Variants in SNTB1 observed in about 807,000 individuals in gnomAD.
The protein encoded by SNTB1 is beta-1-syntrophin.
SNTB1 carries 36 observed loss-of-function variants against 48.9 expected under a neutral mutation model. That is an observed-to-expected ratio of 0.74 (90% CI 0.56 to 0.97). The LOEUF (loss-of-function observed/expected upper bound fraction) is 0.97. SNTB1 is among the 50% of genes least tolerant of loss of function. The pLI, the probability that SNTB1 is intolerant of heterozygous loss-of-function variation, is 0.00. For synonymous variants in SNTB1, 299 were observed against 294.6 expected, an observed-to-expected ratio of 1.01 and a Z score of -0.15; for missense variants, 786 against 703.4, an observed-to-expected ratio of 1.12 and a Z score of -1.33.
rs142479259 is a variant in SNTB1, at chr8:120,577,196, T to G, written c.997-1971A>C. On this transcript the variant is annotated intron_variant, in intron 3 of 6. Coordinates refer to ENST00000517992, the MANE Select transcript of SNTB1 (RefSeq NM_021021.4). ...CATTGCTTGATGATCACCTTTATAT[T>G]TTAATGCCTCCCTTCCAGCAATTCC... 1.2e-4 allele frequency among the ~76,000 whole-genome samples: 18 copies of G among 152,346 alleles called. No homozygotes were observed. The East Asian group carries it at 3.1e-3, about 26-fold the overall frequency.
intron 2 of SNTB1, among the ~76,000 whole-genome samples, chr8:120,675,499 T>C (rs1817820118): frequency 6.6e-6 from 1 of 152,200 alleles, no homozygotes; most frequent in Admixed American, 6.5e-5. Context: ...CATGCTCCAT[T>C]AGATCACTGG....
chr8:120,799,947 T>C (rs1820194674), intron 1 of SNTB1, among the ~76,000 whole-genome samples: 2 of 152,116 alleles, frequency 1.3e-5, no homozygotes, highest in African/African-American at 2.4e-5. Context: ...TCCTGTTCCA[T>C]ACTAATTTTC....
intron 2 of SNTB1, among the ~76,000 whole-genome samples, chr8:120,686,325 T>C (rs1293320121): frequency 6.6e-6 from 1 of 152,200 alleles, no homozygotes; most frequent in Admixed American, 6.5e-5. Context: ...ACAAACAATA[T>C]AAATTTTTTT....
At chr8:120,785,295 G>C (rs1018316872) in intron 1 of SNTB1, among the ~76,000 whole-genome samples, 1 of 152,190 alleles carries the variant, frequency 6.6e-6, no homozygotes, top group Non-Finnish European at 1.5e-5. Context: ...GTATGGCCTG[G>C]AAACCATGAT....
At chr8:120,706,559 TG>T (rs1818378792) in intron 1 of SNTB1, among the ~76,000 whole-genome samples, 1 of 152,176 alleles carries the variant, frequency 6.6e-6, no homozygotes, top group Non-Finnish European at 1.5e-5. Flanking sequence ...TTCTCTTCCC[TG>T]GGAAAATAAA....
chr8:120,644,395 G>C (rs1817247410), intron 2 of SNTB1, among the ~76,000 whole-genome samples: 1 of 142,360 alleles, frequency 7.0e-6, no homozygotes, highest in African/African-American at 2.6e-5. Flanking sequence ...TCCCACCTAT[G>C]AGTGAGAATA....
At chr8:120,594,026 A>T (rs1366343302) in intron 3 of SNTB1, among the ~76,000 whole-genome samples, 1 of 152,034 alleles carries the variant, frequency 6.6e-6, no homozygotes, top group Non-Finnish European at 1.5e-5. Context: ...TATGTAACAT[A>T]TCTCTTCTAA....
chr8:120,592,159 G>A (rs563352483), intron 3 of SNTB1, among the ~76,000 whole-genome samples: 22 of 152,070 alleles, frequency 1.4e-4, no homozygotes, highest in African/African-American at 5.3e-4. Context: ...TAAATTAGCA[G>A]TCCAATTTCA....
At chr8:120,734,897 A>T (rs180788118) in intron 1 of SNTB1, among the ~76,000 whole-genome samples, 43 of 152,370 alleles carry the variant, frequency 2.8e-4, no homozygotes, top group African/African-American at 9.4e-4. Context: ...ACTGGCTATA[A>T]GTGGATGAGA....
At chr8:120,637,837 CT>C (rs1312369572) in intron 2 of SNTB1, 5 of 280,730 alleles carry the variant, frequency 1.8e-5, no homozygotes, top group African/African-American at 9.2e-5. Flanking sequence ...CAAAAGGTTT[CT>C]TTTGACATCT....
At chr8:120,597,895 T>C (rs548101099) in intron 3 of SNTB1, among the ~76,000 whole-genome samples, 1 of 152,256 alleles carries the variant, frequency 6.6e-6, no homozygotes. Flanking sequence ...GCAGTTTTGG[T>C]GACTTACATA....
At chr8:120,636,231 CTTCT>C (rs994430937) in intron 2 of SNTB1, among the ~76,000 whole-genome samples, 4 of 151,816 alleles carry the variant, frequency 2.6e-5, no homozygotes, top group Non-Finnish European at 4.4e-5. Context: ...CTTTCTTCTT[CTTCT>C]TTTTTTTTAT....
At position 120,555,540 on chromosome 8, in the gene SNTB1, T is replaced by G. The variant is rs185263822; in HGVS notation, c.1137-6582A>C. Among the ~76,000 whole-genome samples the G allele has an allele frequency of 1.7e-3, 260 of 152,326 alleles. 1 individual carries two copies. Among genetic ancestry groups the G allele is most frequent in the East Asian group, 6.9e-3 (36 of 5,180 alleles). On this transcript the variant is annotated intron_variant, in intron 4 of 6. Coordinates refer to ENST00000517992, the MANE Select transcript of SNTB1 (RefSeq NM_021021.4). ...ATAGAGCCGCCATCTTGAAAATGTCTAGTCCGTAGTTCCTGCCGGCATTCA... is the reference window on the plus strand; with the variant it reads ...ATAGAGCCGCCATCTTGAAAATGTCGAGTCCGTAGTTCCTGCCGGCATTCA...
intron 3 of SNTB1, among the ~76,000 whole-genome samples, chr8:120,620,638 G>A (rs1039207355): frequency 6.6e-6 from 1 of 151,920 alleles, no homozygotes; most frequent in African/African-American, 2.4e-5. Flanking sequence ...AAACTGTGCA[G>A]CACAACTCCC....
intron 3 of SNTB1, among the ~76,000 whole-genome samples, chr8:120,623,048 T>G (rs904870033): frequency 2.0e-5 from 3 of 152,212 alleles, no homozygotes; most frequent in African/African-American, 7.2e-5. Context: ...CTCCTGAGCT[T>G]CAGTGGGATC....
intron 1 of SNTB1, among the ~76,000 whole-genome samples, chr8:120,790,816 C>G (rs1820017210): frequency 6.6e-6 from 1 of 151,600 alleles, no homozygotes; most frequent in Admixed American, 6.6e-5. Flanking sequence ...ACATACTGCC[C>G]AAAGCAATCT....
intron 1 of SNTB1, among the ~76,000 whole-genome samples, chr8:120,778,232 G>A (rs985209713): frequency 3.9e-5 from 6 of 152,162 alleles, no homozygotes; most frequent in African/African-American, 1.4e-4. Flanking sequence ...ATTTCTTCCT[G>A]AATCTATATT....
chr8:120,555,905 G>A (rs556788747), intron 4 of SNTB1, among the ~76,000 whole-genome samples: 5 of 152,268 alleles, frequency 3.3e-5, no homozygotes, highest in Admixed American at 3.3e-4. Context: ...GCAGCCATCC[G>A]CAAGCCAGGA....
intron 2 of SNTB1, among the ~76,000 whole-genome samples, chr8:120,685,721 G>A (rs912421043): frequency 3.9e-5 from 6 of 152,084 alleles, no homozygotes; most frequent in African/African-American, 1.4e-4. Context: ...ATTTACAACA[G>A]GCTGGGAATT....
Sources: gnomAD v4.1 joint callset for allele counts (sites outside exome capture counted in the v4.1 genomes callset) on GRCh38, gnomAD v4.1.1 for gene constraint, MANE v1.5 for transcripts, NCBI Gene and HGNC (gene_info 2026-07-23, HGNC 2026-07-21) for gene names.